Variants in STRADA observed in about 807,000 individuals in gnomAD.
The protein encoded by STRADA is STE20-related kinase adapter protein alpha.
STRADA carries 26 observed loss-of-function variants against 55.0 expected under a neutral mutation model. That is an observed-to-expected ratio of 0.47 (90% CI 0.35 to 0.66). The LOEUF (loss-of-function observed/expected upper bound fraction) is 0.66, where lower values mean the gene tolerates loss of function less well. Among genes scored for constraint, STRADA ranks in the 30% least tolerant of loss-of-function variants. The pLI is 0.01. For synonymous variants in STRADA, 197 were observed against 210.9 expected (o/e 0.93, Z 0.57); for missense variants, 443 against 549.7 (o/e 0.81, Z 1.94).
intron 6 of STRADA, chr17:63,712,401 A>G (rs1306731184): frequency 2.0e-5 from 3 of 152,134 alleles, no homozygotes; most frequent in Non-Finnish European, 4.4e-5. Context: ...GAGAGTGGCT[A>G]CTTGCTTCTC....
chr17:63,717,678 T>C (rs986460265), intron 4 of STRADA, among the ~76,000 whole-genome samples: 2 of 152,120 alleles, frequency 1.3e-5, no homozygotes, highest in Non-Finnish European at 2.9e-5. Flanking sequence ...GGTTTCACCA[T>C]GTTGGCCAGA....
chr17:63,732,365 G>T (rs995016578), intron 1 of STRADA, among the ~76,000 whole-genome samples: 7 of 152,106 alleles, frequency 4.6e-5, no homozygotes, highest in African/African-American at 1.7e-4. Context: ...TGTCACCTAG[G>T]CTGGAAAGCA....
chr17:63,732,542 T>G (rs1027396208), intron 1 of STRADA, among the ~76,000 whole-genome samples: 1 of 151,344 alleles, frequency 6.6e-6, no homozygotes, highest in Non-Finnish European at 1.5e-5. Flanking sequence ...ATGTCTGTAG[T>G]CCCAGCACTT....
intron 11 of STRADA, 145 bp downstream of exon 11, chr17:63,704,196 G>A (rs1473242428): frequency 6.6e-7 from 1 of 1,521,182 alleles, no homozygotes; most frequent in African/African-American, 1.4e-5. Context: ...GCTGGCCTCT[G>A]ACACACCCAG....
At chr17:63,720,124 C>T (rs534707437) in intron 4 of STRADA, among the ~76,000 whole-genome samples, 6 of 151,142 alleles carry the variant, frequency 4.0e-5, no homozygotes, top group East Asian at 3.9e-4. Flanking sequence ...AGGGCTCAAG[C>T]GGATCCTCCC....
chr17:63,728,734 A>G (rs1305598353), intron 1 of STRADA, among the ~76,000 whole-genome samples: 1 of 50,074 alleles, frequency 2.0e-5, no homozygotes, highest in Admixed American at 1.8e-4. Flanking sequence ...CCCCATCTCT[A>G]TAAAAAAAAA....
chr17:63,706,270 C>A, intron 10 of STRADA: 1 of 166,794 alleles, frequency 6.0e-6, no homozygotes, highest in South Asian at 1.7e-4. Context: ...TGTGGGAATT[C>A]TAAATTAGAA....
intron 3 of STRADA, among the ~76,000 whole-genome samples, chr17:63,725,404 T>C (rs1370075722): frequency 1.3e-5 from 2 of 151,960 alleles, no homozygotes; most frequent in Non-Finnish European, 2.9e-5. Flanking sequence ...CAGGCTGGAG[T>C]GCAATGGCGT....
At chr17:63,732,105 T>G (rs1468403790) in intron 1 of STRADA, among the ~76,000 whole-genome samples, 1 of 152,096 alleles carries the variant, frequency 6.6e-6, no homozygotes, top group Non-Finnish European at 1.5e-5. Flanking sequence ...CCTGACCTTG[T>G]GATCCACCCG....
intron 8 of STRADA, among the ~76,000 whole-genome samples, chr17:63,707,729 T>G (rs1190632769): frequency 6.6e-6 from 1 of 151,252 alleles, no homozygotes; most frequent in Non-Finnish European, 1.5e-5. Flanking sequence ...CCAGCTAATT[T>G]TTTTTTTTCT....
chr17:63,710,755 A>G lies in STRADA; in HGVS notation c.430T>C (p.Trp144Arg). ...TATGCCATGAATGATGTGACAACCC[A>G]CAGCTCATTGTCTGCAATAAAAGTG... Reference protein sequence around the residue: ...RATFIADNELWVVTSFMAYGS... With the variant: ...RATFIADNELRVVTSFMAYGS... The change falls in exon 7 of 13, where the codon TGG becomes CGG. Residue 144 changes from tryptophan to arginine, a missense_variant. Trp to Arg is a moderately radical substitution (Grantham distance 101). Transcript: ENST00000336174. 6.2e-7 allele frequency: 1 copy of G among 1,614,188 alleles called. No individual in the cohort carries two copies. Among genetic ancestry groups the G allele is most frequent in the Non-Finnish European group, 8.5e-7 (1 of 1,180,036 alleles).
Position 63,703,501 on chromosome 17 carries a change from A to C in STRADA, c.*98T>G. 3.4e-6 allele frequency: 4 copies of C among 1,185,522 alleles called. No individual in the cohort carries two copies. The highest frequency in any genetic ancestry group is 4.7e-6 in the Non-Finnish European group (4 of 851,892). The allele number at this position is 1,185,522 out of a possible 1,614,324, so 73.4% of individuals were successfully genotyped here. Reference sequence around the variant, plus strand: ...TCCTGGAAGAATGTCCTTTCTACCCAATCTGCCCAGGAGGGCGGGAATGTG... The same window carrying C: ...TCCTGGAAGAATGTCCTTTCTACCCCATCTGCCCAGGAGGGCGGGAATGTG... On this transcript the variant is annotated 3_prime_UTR_variant, in exon 13 of 13. Coordinates refer to ENST00000336174, the MANE Select transcript of STRADA (RefSeq NM_001003787.4).
intron 4 of STRADA, among the ~76,000 whole-genome samples, chr17:63,716,408 ATTAAT>A (rs2036887613): frequency 6.6e-6 from 1 of 152,132 alleles, no homozygotes; most frequent in Admixed American, 6.6e-5. Context: ...ATGTGTTCTT[ATTAAT>A]TTATCTTTTC....
At chr17:63,740,239 G>A (rs910279143) in intron 1 of STRADA, among the ~76,000 whole-genome samples, 1 of 150,410 alleles carries the variant, frequency 6.6e-6, no homozygotes, top group African/African-American at 2.5e-5. Flanking sequence ...GGCCGGGCGC[G>A]GTGGCTCACG....
intron 4 of STRADA, among the ~76,000 whole-genome samples, chr17:63,722,495 T>C (rs926821780): frequency 6.6e-6 from 1 of 152,218 alleles, no homozygotes; most frequent in African/African-American, 2.4e-5. Flanking sequence ...TTGGAAAGCA[T>C]TTGGATCTGA....
chr17:63,733,246 T>G (rs1426688344), intron 1 of STRADA, among the ~76,000 whole-genome samples: 1 of 152,214 alleles, frequency 6.6e-6, no homozygotes, highest in Non-Finnish European at 1.5e-5. Context: ...TGTTCAGGTA[T>G]GAATCTTTAT....
chr17:63,707,707 G>A (rs2036198521), intron 8 of STRADA, among the ~76,000 whole-genome samples: 1 of 151,590 alleles, frequency 6.6e-6, no homozygotes. Flanking sequence ...TTACAGGTGT[G>A]CACCACCACA....
rs532566791 is a variant in STRADA, at chr17:63,731,547, A to C, written c.-44-3134T>G. On this transcript the variant is annotated intron_variant, in intron 1 of 12. Coordinates refer to ENST00000336174, the MANE Select transcript of STRADA (RefSeq NM_001003787.4). ...CCAAAGTGCTGGGATTACAGGCATG[A>C]GCCACCGCGCCTGGCCGGCCCTGAT... 3.8e-4 allele frequency among the ~76,000 whole-genome samples: 58 copies of C among 152,198 alleles called. 1 individual carries two copies. The highest frequency in any genetic ancestry group is 1.3e-3 in the African/African-American group (54 of 41,544).
At chr17:63,705,649 G>C (rs1193020882) in intron 10 of STRADA, 3 of 152,536 alleles carry the variant, frequency 2.0e-5, no homozygotes, top group African/African-American at 7.2e-5. Flanking sequence ...TGGCATCAAA[G>C]CCCTTCACAA....
Sources: gnomAD v4.1 joint callset for allele counts (sites outside exome capture counted in the v4.1 genomes callset) on GRCh38, gnomAD v4.1.1 for gene constraint, MANE v1.5 for transcripts, NCBI Gene and HGNC (gene_info 2026-07-23, HGNC 2026-07-21) for gene names.